The following DOC2B variants were observed in gnomAD, a reference collection of about 807,000 sequenced individuals.
DOC2B encodes the protein double C2 domain beta, also known as double C2-like domain-containing protein beta.
In DOC2B, 21 loss-of-function variants were observed where a neutral mutation model predicts 28.9. The ratio of observed to expected loss-of-function variants is 0.73; its 90% confidence interval spans 0.52 to 1.05. The LOEUF (loss-of-function observed/expected upper bound fraction) is 1.05, where lower values mean the gene tolerates loss of function less well. Among genes scored for constraint, DOC2B ranks in the 50% least tolerant of loss-of-function variants. DOC2B has a pLI of 0.00. For missense variants in DOC2B, 384 were observed against 421.1 expected (o/e 0.91, Z 0.77); for synonymous variants, 194 against 178.1 (o/e 1.09, Z -0.71).
intron 2 of DOC2B, among the ~76,000 whole-genome samples, chr17:165,448 C>T (rs1412300575): frequency 6.7e-6 from 1 of 149,862 alleles, no homozygotes; most frequent in East Asian, 2.0e-4. Context: ...CACCACTGCA[C>T]TCCAGCCTGG....
At chr17:159,874 C>T (rs756606765) in intron 5 of DOC2B, among the ~76,000 whole-genome samples, 11 of 148,574 alleles carry the variant, frequency 7.4e-5, no homozygotes, top group South Asian at 2.1e-4. Context: ...AATTCACACA[C>T]GAGCACACAC....
At chr17:168,977 C>CG (rs969529821) in intron 2 of DOC2B, among the ~76,000 whole-genome samples, 2 of 152,080 alleles carry the variant, frequency 1.3e-5, no homozygotes, top group African/African-American at 2.4e-5. Flanking sequence ...GAAGCGGCCC[C>CG]GGGGGAGGCC....
At chr17:151,595 C>T (rs1209651814) in intron 6 of DOC2B, among the ~76,000 whole-genome samples, 7 of 152,184 alleles carry the variant, frequency 4.6e-5, no homozygotes, top group Non-Finnish European at 7.3e-5. Context: ...GCCCGCCACC[C>T]GGAGACAGCG....
At chr17:149,249 C>T in intron 6 of DOC2B, 57 bp from the exon 7 acceptor site, 1 of 399,032 alleles carries the variant, frequency 2.5e-6, no homozygotes, top group Non-Finnish European at 4.4e-6. Flanking sequence ...GGGTATAGAT[C>T]AAGCCAGCAG....
At chr17:175,319 T>C (rs1389943870) in intron 1 of DOC2B, among the ~76,000 whole-genome samples, 1 of 152,234 alleles carries the variant, frequency 6.6e-6, no homozygotes, top group African/African-American at 2.4e-5. Flanking sequence ...GCAATAGCTG[T>C]AGCTGGCCTT....
intron 6 of DOC2B, among the ~76,000 whole-genome samples, chr17:152,289 T>TGCTGAGCGCGTCACACGCA (rs2040081171): frequency 1.3e-5 from 2 of 152,232 alleles, no homozygotes; most frequent in Admixed American, 6.5e-5. Context: ...CCGCACAGGC[T>TGCTGAGCGCGTCACACGCA]GCTGAGCGCG....
chr17:172,960 C>CA (rs1238765510), intron 1 of DOC2B, among the ~76,000 whole-genome samples: 4 of 152,226 alleles, frequency 2.6e-5, no homozygotes, highest in Non-Finnish European at 4.4e-5. Flanking sequence ...GTCTGGGCCC[C>CA]GTGCCTCAGT....
rs1040273732 is a variant in DOC2B, at chr17:147,446, C to A, written c.1234G>T (p.Asp412Tyr). The A allele has an allele frequency of 2.5e-6, 1 of 398,810 alleles. No homozygotes were observed. The highest frequency in any genetic ancestry group is 4.4e-6 in the Non-Finnish European group (1 of 226,196). 24.7% of individuals were successfully genotyped at this position (398,810 alleles called of 1,614,324 possible). Reference sequence around the variant, plus strand: ...GTAGCAGTGGCGGGTGGGCGTCAGTCGCTGAGCACAGCCCCTGGGAGCTCG... The same window carrying A: ...GTAGCAGTGGCGGGTGGGCGTCAGTAGCTGAGCACAGCCCCTGGGAGCTCG... ...TSELPGAVLS[D>Y] Residue 412 changes from aspartate (D) to tyrosine (Y), a missense_variant, in exon 9 of 9, where the codon GAC becomes TAC. Coordinates refer to ENST00000613549, the MANE Select transcript of DOC2B (RefSeq NM_003585.5).
At chr17:148,398 G>T (rs1304908414) in intron 7 of DOC2B, 129 bp from the exon 8 acceptor site, 1 of 397,010 alleles carries the variant, frequency 2.5e-6, no homozygotes, top group African/African-American at 2.1e-5. Flanking sequence ...ATGATGGGTG[G>T]ATGCTCACAT....
At chr17:170,588 A>G (rs987436524) in intron 2 of DOC2B, among the ~76,000 whole-genome samples, 10 of 152,124 alleles carry the variant, frequency 6.6e-5, no homozygotes, top group Non-Finnish European at 1.0e-4. Context: ...AGGCCCTTAC[A>G]TGGCACTACT....
Position 146,770 on chromosome 17 carries a change from A to G in DOC2B, c.*671T>C, listed in dbSNP as rs2040022533. ...GCAGACTGGCCAAGCTGGTCTTGGT[A>G]TTTCTCACCCCAGTTGGAATGGTTT... is the stretch of plus-strand genomic sequence containing the variant. On this transcript the variant is annotated 3_prime_UTR_variant, in exon 9 of 9. Transcript: ENST00000613549. 1 of 152,098 alleles carries G rather than the reference A, an allele frequency of 6.6e-6. No individual in the cohort carries two copies. Among genetic ancestry groups the G allele is most frequent in the Admixed American group, 6.5e-5 (1 of 15,274 alleles). 9.4% of individuals were successfully genotyped at this position (152,098 alleles called of 1,614,324 possible).
At chr17:158,782 T>C (rs867273340) in intron 5 of DOC2B, among the ~76,000 whole-genome samples, 35 of 152,322 alleles carry the variant, frequency 2.3e-4, no homozygotes, top group African/African-American at 7.0e-4. Flanking sequence ...CAGTGACTCA[T>C]GCCTGTAACC....
At chr17:155,933 G>A (rs188091685) in intron 6 of DOC2B, 11 of 415,360 alleles carry the variant, frequency 2.6e-5, no homozygotes, top group Admixed American at 1.3e-4. Context: ...GGCCCCTCCT[G>A]GGCCCCTCAG....
At chr17:163,431 C>A (rs1555523522) in intron 3 of DOC2B, 1 of 152,216 alleles carries the variant, frequency 6.6e-6, no homozygotes, top group Non-Finnish European at 1.5e-5. Flanking sequence ...CCATTTAGGC[C>A]TCCACGTAAA....
At chr17:148,312 G>C (rs997187308) in intron 7 of DOC2B, 43 bp from the exon 8 acceptor site, 1 of 398,562 alleles carries the variant, frequency 2.5e-6, no homozygotes, top group Non-Finnish European at 4.4e-6. Context: ...CCTGGGCCTG[G>C]GCCTCCGCCG....
intron 1 of DOC2B, among the ~76,000 whole-genome samples, chr17:173,586 G>T (rs1036352485): frequency 1.3e-5 from 2 of 152,222 alleles, no homozygotes; most frequent in African/African-American, 4.8e-5. Context: ...CAGCTTAAGG[G>T]GAGGAACAAA....
At chr17:172,474 C>G in intron 2 of DOC2B, 63 bp downstream of exon 2, 1 of 1,425,970 alleles carries the variant, frequency 7.0e-7, no homozygotes, top group Admixed American at 2.0e-5. Context: ...TCTGGCCTCC[C>G]TGACCTAGGC....
At chr17:152,658 G>T (rs542143148) in intron 6 of DOC2B, among the ~76,000 whole-genome samples, 1 of 152,252 alleles carries the variant, frequency 6.6e-6, no homozygotes, top group African/African-American at 2.4e-5. Flanking sequence ...TGTAGTCCCA[G>T]CTACTCAGGA....
chr17:169,259 G>A (rs1295050941), intron 2 of DOC2B, among the ~76,000 whole-genome samples: 2 of 152,076 alleles, frequency 1.3e-5, no homozygotes, highest in Non-Finnish European at 2.9e-5. Context: ...GACTCAAAAG[G>A]ACAGATACCG....
Sources: allele counts gnomAD v4.1 joint callset (sites outside exome capture counted in the v4.1 genomes callset), GRCh38; gene constraint gnomAD v4.1.1; transcripts MANE v1.5; gene names NCBI Gene and HGNC (gene_info 2026-07-23, HGNC 2026-07-21).